Variants in NFIA observed in about 807,000 individuals in gnomAD.
NFIA encodes the protein nuclear factor 1 A-type.
NFIA carries 8 observed loss-of-function variants against 62.8 expected under a neutral mutation model. The observed-to-expected ratio is 0.13, with a 90% CI of 0.07 to 0.23. The LOEUF is 0.23. Among genes scored for constraint, NFIA ranks in the 10% least tolerant of loss-of-function variants. The pLI, the probability that NFIA is intolerant of heterozygous loss-of-function variation, is 1.00. For missense variants in NFIA, 410 were observed against 642.1 expected, an observed-to-expected ratio of 0.64 and a Z score of 3.91; for synonymous variants, 235 against 238.1, an observed-to-expected ratio of 0.99 and a Z score of 0.12.
chr1:61,285,719 T>G (rs1007973875), intron 3 of NFIA, among the ~76,000 whole-genome samples: 1 of 152,158 alleles, frequency 6.6e-6, no homozygotes, highest in Admixed American at 6.5e-5. Context: ...CCATCTCAGT[T>G]GTGCATTTCT....
intron 2 of NFIA, 120 bp from the exon 3 acceptor site, chr1:61,277,400 C>T (rs1416704754): frequency 2.4e-6 from 2 of 838,766 alleles, no homozygotes; most frequent in Non-Finnish European, 1.9e-6. Flanking sequence ...TGTCTCATGT[C>T]ATTTCTGTAA....
chr1:61,230,692 G>A (rs567979337), intron 2 of NFIA, among the ~76,000 whole-genome samples: 7 of 152,214 alleles, frequency 4.6e-5, no homozygotes, highest in South Asian at 2.1e-4. Context: ...CTCACCAGCT[G>A]TATAAAGTCC....
intron 8 of NFIA, among the ~76,000 whole-genome samples, chr1:61,404,652 A>G (rs1665732643): frequency 6.6e-6 from 1 of 152,210 alleles, no homozygotes; most frequent in Non-Finnish European, 1.5e-5. Flanking sequence ...TTGGGGTGGT[A>G]GAGAAAGGTA....
intron 2 of NFIA, among the ~76,000 whole-genome samples, chr1:61,179,883 G>A (rs1557617836): frequency 1.3e-5 from 2 of 152,056 alleles, no homozygotes; most frequent in Non-Finnish European, 2.9e-5. Context: ...TAGACTAAAG[G>A]TCCATCAGCC....
intron 2 of NFIA, among the ~76,000 whole-genome samples, chr1:61,243,276 T>C (rs1439278409): frequency 1.3e-5 from 2 of 152,176 alleles, no homozygotes; most frequent in African/African-American, 4.8e-5. Context: ...GCAGGGCAAA[T>C]GTGTGATATG....
intron 2 of NFIA, among the ~76,000 whole-genome samples, chr1:61,217,410 T>TATA (rs575424565): frequency 6.6e-4 from 101 of 152,282 alleles, no homozygotes; most frequent in Non-Finnish European, 1.4e-3. Flanking sequence ...TGGACTCTAT[T>TATA]AATGTACATA....
intron 10 of NFIA, among the ~76,000 whole-genome samples, chr1:61,443,829 C>A (rs1667692962): frequency 6.6e-6 from 1 of 152,148 alleles, no homozygotes; most frequent in Admixed American, 6.5e-5. Context: ...ACTCCTTGAC[C>A]CTTGCTTAGC....
chr1:61,315,135 C>G (rs529194887), intron 3 of NFIA, among the ~76,000 whole-genome samples: 1 of 152,126 alleles, frequency 6.6e-6, no homozygotes, highest in African/African-American at 2.4e-5. Flanking sequence ...CTTTTTCTAA[C>G]GATTTACTGT....
chr1:61,301,517 C>T (rs918370047), intron 3 of NFIA, among the ~76,000 whole-genome samples: 2 of 152,130 alleles, frequency 1.3e-5, no homozygotes, highest in Non-Finnish European at 2.9e-5. Flanking sequence ...CTCGACTTTA[C>T]AGAGTAAACA....
At chr1:61,386,959 A>AT (rs1215321292) in intron 7 of NFIA, among the ~76,000 whole-genome samples, 1 of 152,186 alleles carries the variant, frequency 6.6e-6, no homozygotes, top group Admixed American at 6.5e-5. Flanking sequence ...GTGTCCTCAC[A>AT]TGGCAGAAGG....
chr1:61,260,335 G>C (rs551351108), intron 2 of NFIA, among the ~76,000 whole-genome samples: 1 of 152,342 alleles, frequency 6.6e-6, no homozygotes, highest in African/African-American at 2.4e-5. Context: ...TCACTGTTCT[G>C]TTCTGCACAG....
intron 5 of NFIA, among the ~76,000 whole-genome samples, chr1:61,355,435 A>AT (rs1215695510): frequency 6.6e-6 from 1 of 152,182 alleles, no homozygotes; most frequent in Non-Finnish European, 1.5e-5. Context: ...GATACGATAC[A>AT]TTTTTTATTC....
chr1:61,106,270 A>C (rs1646598659), intron 2 of NFIA, among the ~76,000 whole-genome samples: 1 of 151,844 alleles, frequency 6.6e-6, no homozygotes, highest in African/African-American at 2.4e-5. Flanking sequence ...TCAAGAATGG[A>C]AGTTTATTTT....
intron 2 of NFIA, among the ~76,000 whole-genome samples, chr1:61,257,618 G>A (rs889636797): frequency 2.6e-5 from 4 of 151,926 alleles, no homozygotes; most frequent in African/African-American, 9.7e-5. Flanking sequence ...GATTATAGGC[G>A]TGAGCCACCA....
chr1:61,387,496 C>T (rs74086953), intron 7 of NFIA, among the ~76,000 whole-genome samples: 1,500 of 84,556 alleles, frequency 0.018, 42 homozygotes, highest in African/African-American at 0.071. Flanking sequence ...TTTTTTGAGA[C>T]GGAGTCTCGT....
chr1:61,093,838 C>T (rs1646366022), intron 2 of NFIA, among the ~76,000 whole-genome samples: 1 of 152,154 alleles, frequency 6.6e-6, no homozygotes, highest in Non-Finnish European at 1.5e-5. Flanking sequence ...TCTTCTTTTC[C>T]ACCCTGTGAT....
chr1:61,392,241 T>G (rs2100501160), intron 7 of NFIA, among the ~76,000 whole-genome samples: 1 of 152,004 alleles, frequency 6.6e-6, no homozygotes, highest in South Asian at 2.1e-4. Context: ...GCAGAGGTCC[T>G]TTAAGTCCCA....
intron 9 of NFIA, among the ~76,000 whole-genome samples, chr1:61,409,804 G>A (rs939606101): frequency 5.3e-5 from 8 of 152,118 alleles, no homozygotes; most frequent in African/African-American, 1.4e-4. Context: ...ACCTGTCCCC[G>A]AAGAGGAAGA....
intron 2 of NFIA, among the ~76,000 whole-genome samples, chr1:61,106,170 A>G (rs1052535950): frequency 1.3e-4 from 19 of 151,488 alleles, no homozygotes; most frequent in African/African-American, 4.6e-4. Context: ...ATTTCTTCAT[A>G]TATATGATAT....
Sources: allele counts gnomAD v4.1 joint callset (sites outside exome capture counted in the v4.1 genomes callset), GRCh38; gene constraint gnomAD v4.1.1; transcripts MANE v1.5; gene names NCBI Gene and HGNC (gene_info 2026-07-23, HGNC 2026-07-21).